Variants in OTUD7B observed in about 807,000 individuals in gnomAD.
The protein encoded by OTUD7B is OTU domain-containing protein 7B.
OTUD7B carries 34 observed loss-of-function variants against 82.2 expected under a neutral mutation model. That is an observed-to-expected ratio of 0.41 (90% CI 0.31 to 0.55). The LOEUF (loss-of-function observed/expected upper bound fraction) is 0.55, where lower values mean the gene tolerates loss of function less well. Among genes scored for constraint, OTUD7B ranks in the 20% least tolerant of loss-of-function variants. The pLI, the probability that OTUD7B is intolerant of heterozygous loss-of-function variation, is 0.20. For missense variants in OTUD7B, 944 were observed against 1,062.1 expected, an observed-to-expected ratio of 0.89 and a Z score of 1.55; for synonymous variants, 398 against 402.7, an observed-to-expected ratio of 0.99 and a Z score of 0.14.
rs1367759578 is a variant in OTUD7B, at chr1:149,959,814, AG to A, written c.733-19del. The A allele has an allele frequency of 6.4e-7, 1 of 1,552,590 alleles. No homozygotes were observed. Among genetic ancestry groups the A allele is most frequent in the Non-Finnish European group, 8.9e-7 (1 of 1,124,094 alleles). The stretch of plus-strand genomic sequence containing the variant: ...AGCCCTGACTGTGTGAAGGACAGGC[AG>A]GGGACATTGGGCAATTAGAGGCTGG... On this transcript the variant is annotated intron_variant, in intron 6 of 11. Coordinates refer to ENST00000581312, the MANE Select transcript of OTUD7B (RefSeq NM_020205.4).
chr1:150,010,856 A>G (rs893417070), upstream of OTUD7B, among the ~76,000 whole-genome samples: 24 of 151,958 alleles, frequency 1.6e-4, no homozygotes, highest in Admixed American at 1.1e-3. Context: ...GCCGCTCCCC[A>G]GGCTGCGGCC....
chr1:149,966,020 C>T (rs1272133722), intron 4 of OTUD7B, 142 bp from the exon 5 acceptor site: 1 of 618,810 alleles, frequency 1.6e-6, no homozygotes, highest in East Asian at 2.8e-5. Flanking sequence ...TTTATATCTT[C>T]CTCACTTATA....
Position 149,943,839 on chromosome 1 carries a change from C to T in OTUD7B, c.*18G>A, listed in dbSNP as rs782411716. ...CTTAACTTTGTTTAGCCTCCTTGCC[C>T]TTCAGTGTTCCACCCGTTCAGAACC... On this transcript the variant is annotated 3_prime_UTR_variant, in exon 12 of 12. Transcript: ENST00000581312. 6.2e-7 allele frequency: 1 copy of T among 1,610,980 alleles called. No individual in the cohort carries two copies. Among genetic ancestry groups the T allele is most frequent in the African/African-American group, 1.3e-5 (1 of 74,830 alleles).
At chr1:150,058,187 G>A in the OTUD7B span, among the ~76,000 whole-genome samples, 7 of 152,130 alleles carry the variant, frequency 4.6e-5, no homozygotes, top group African/African-American at 1.7e-4. Flanking sequence ...TGTGGTCCAT[G>A]GAACGCCAGC....
At chr1:150,038,566 T>C in the OTUD7B span, among the ~76,000 whole-genome samples, 6 of 152,000 alleles carry the variant, frequency 3.9e-5, no homozygotes, top group South Asian at 2.1e-4. Context: ...TTTGTATTTT[T>C]AGTAGAGACG....
At chr1:149,959,889 C>T in intron 6 of OTUD7B, 93 bp from the exon 7 acceptor site, 1 of 784,114 alleles carries the variant, frequency 1.3e-6, no homozygotes, top group Non-Finnish European at 2.2e-6. Context: ...TACTTACTCC[C>T]TAATCCCTTA....
At chr1:149,995,596 C>CAA (rs369726288) in intron 1 of OTUD7B, among the ~76,000 whole-genome samples, 4,042 of 150,450 alleles carry the variant, frequency 0.027, 161 homozygotes, top group African/African-American at 0.087. Context: ...CAAAACAAAA[C>CAA]AAAAAAAAAC....
chr1:150,037,432 G>A, the OTUD7B span, among the ~76,000 whole-genome samples: 7 of 151,994 alleles, frequency 4.6e-5, no homozygotes, highest in Admixed American at 2.6e-4. Context: ...TTGAAAGTTG[G>A]CTAATAAGTA....
chr1:150,030,402 C>G, the OTUD7B span, among the ~76,000 whole-genome samples: 1 of 152,174 alleles, frequency 6.6e-6, no homozygotes, highest in Non-Finnish European at 1.5e-5. Flanking sequence ...CGAAATGCCC[C>G]TTCTGTTCAA....
intron 1 of OTUD7B, among the ~76,000 whole-genome samples, chr1:149,994,915 T>C (rs992358111): frequency 6.6e-6 from 1 of 152,228 alleles, no homozygotes; most frequent in African/African-American, 2.4e-5. Context: ...CCTTAAATGC[T>C]AGGTCTAATT....
At chr1:149,972,007 T>C (rs782393432) in intron 2 of OTUD7B, among the ~76,000 whole-genome samples, 1 of 152,238 alleles carries the variant, frequency 6.6e-6, no homozygotes, top group Non-Finnish European at 1.5e-5. Flanking sequence ...TTAATCTTTC[T>C]AAAGCACAGT....
chr1:150,003,094 C>T (rs1442313736), intron 1 of OTUD7B, among the ~76,000 whole-genome samples: 1 of 151,722 alleles, frequency 6.6e-6, no homozygotes, highest in African/African-American at 2.4e-5. Flanking sequence ...ACTAAAAATA[C>T]AAAAAATTAG....
intron 7 of OTUD7B, among the ~76,000 whole-genome samples, chr1:149,952,467 G>A (rs1648338613): frequency 6.6e-6 from 1 of 152,102 alleles, no homozygotes; most frequent in Non-Finnish European, 1.5e-5. Flanking sequence ...CATTTGGGTT[G>A]GTTCCAGGTC....
chr1:150,045,162 C>T, the OTUD7B span, among the ~76,000 whole-genome samples: 5 of 150,616 alleles, frequency 3.3e-5, no homozygotes, highest in Non-Finnish European at 4.4e-5. Flanking sequence ...CATGATCTCA[C>T]CTCACTACAA....
At chr1:149,958,768 G>A (rs1648912186) in intron 7 of OTUD7B, among the ~76,000 whole-genome samples, 1 of 151,394 alleles carries the variant, frequency 6.6e-6, no homozygotes. Flanking sequence ...TTTAGAGACA[G>A]AGGTCTCTCT....
chr1:149,954,658 C>T (rs1479957955), intron 7 of OTUD7B, among the ~76,000 whole-genome samples: 3 of 152,136 alleles, frequency 2.0e-5, no homozygotes, highest in Admixed American at 2.0e-4. Flanking sequence ...TAGAATTCGG[C>T]TGTGAATCCA....
At chr1:150,057,210 C>T in the OTUD7B span, among the ~76,000 whole-genome samples, 1 of 152,028 alleles carries the variant, frequency 6.6e-6, no homozygotes, top group African/African-American at 2.4e-5. Flanking sequence ...AACAACTGAC[C>T]AGTGTGCTTA....
At chr1:149,950,255 T>C (rs1553773097) in intron 7 of OTUD7B, 34 bp from the exon 8 acceptor site, 4 of 1,610,182 alleles carry the variant, frequency 2.5e-6, no homozygotes, top group South Asian at 1.1e-5. Flanking sequence ...GTGAAAAGGG[T>C]GCAGTAAAAA....
intron 2 of OTUD7B, among the ~76,000 whole-genome samples, chr1:149,973,747 A>G (rs1650094102): frequency 6.6e-6 from 1 of 152,120 alleles, no homozygotes; most frequent in African/African-American, 2.4e-5. Context: ...CGGCCTCCCA[A>G]AGTGCTGGGG....
Sources: gnomAD v4.1 joint callset for allele counts (sites outside exome capture counted in the v4.1 genomes callset) on GRCh38, gnomAD v4.1.1 for gene constraint, MANE v1.5 for transcripts, NCBI Gene and HGNC (gene_info 2026-07-23, HGNC 2026-07-21) for gene names.